Variants in CDH12 observed in about 807,000 individuals in gnomAD.
The protein encoded by CDH12 is cadherin 12.
Under a neutral mutation model 74.1 loss-of-function variants are expected in CDH12, and 41 were observed. The observed-to-expected ratio is 0.55, with a 90% CI of 0.43 to 0.72. The LOEUF (loss-of-function observed/expected upper bound fraction) is 0.72, where lower values mean the gene tolerates loss of function less well. Ranked by LOEUF, CDH12 falls within the 30% of genes least tolerant of loss-of-function variation. The probability of loss-of-function intolerance (pLI) is 0.00; values close to 1 mark genes in which losing one functional copy is unlikely to be tolerated. For missense variants in CDH12, 945 were observed against 977.2 expected (o/e 0.97, Z 0.44); for synonymous variants, 399 against 355.0 (o/e 1.12, Z -1.39).
At chr5:22,325,801 G>T (rs1200261805) in intron 3 of CDH12, among the ~76,000 whole-genome samples, 3 of 151,614 alleles carry the variant, frequency 2.0e-5, no homozygotes, top group African/African-American at 7.3e-5. Context: ...CCAGCTGCTC[G>T]GGAGGCTGAG....
At chr5:22,105,968 T>A (rs1744416447) in intron 4 of CDH12, among the ~76,000 whole-genome samples, 1 of 152,212 alleles carries the variant, frequency 6.6e-6, no homozygotes, top group African/African-American at 2.4e-5. Context: ...AGTTGTCAGA[T>A]GTATTGTGAA....
chr5:22,088,599 TC>T (rs990273321), intron 4 of CDH12, among the ~76,000 whole-genome samples: 1 of 152,090 alleles, frequency 6.6e-6, no homozygotes, highest in African/African-American at 2.4e-5. Flanking sequence ...GACATTCCTC[TC>T]AGGGGAAACA....
At chr5:22,765,588 T>G (rs979588465) in intron 1 of CDH12, among the ~76,000 whole-genome samples, 1 of 151,986 alleles carries the variant, frequency 6.6e-6, no homozygotes, top group African/African-American at 2.4e-5. Flanking sequence ...TAACAATGTT[T>G]AAATCAAGTG....
chr5:22,311,029 CT>C (rs978274142), intron 3 of CDH12, among the ~76,000 whole-genome samples: 2 of 152,152 alleles, frequency 1.3e-5, no homozygotes, highest in Admixed American at 1.3e-4. Flanking sequence ...ACTGCCAGCT[CT>C]TTAACATACT....
intron 1 of CDH12, among the ~76,000 whole-genome samples, chr5:22,849,086 C>A (rs192952779): frequency 6.6e-6 from 1 of 152,086 alleles, no homozygotes; most frequent in African/African-American, 2.4e-5. Flanking sequence ...TTTCTTCCAA[C>A]CCCATGTTCC....
intron 1 of CDH12, among the ~76,000 whole-genome samples, chr5:22,632,729 GGAGA>G (rs1286877724): frequency 6.6e-6 from 1 of 151,994 alleles, no homozygotes; most frequent in Non-Finnish European, 1.5e-5. Context: ...CAGCTTGTAA[GGAGA>G]GAGAGAAATA....
chr5:22,770,600 TAAAGA>T (rs746852297), intron 1 of CDH12, among the ~76,000 whole-genome samples: 2 of 152,148 alleles, frequency 1.3e-5, no homozygotes, highest in African/African-American at 2.4e-5. Flanking sequence ...TGGTATCATT[TAAAGA>T]AAAGAAATGA....
chr5:22,065,436 A>G (rs922286384), intron 5 of CDH12, among the ~76,000 whole-genome samples: 1 of 152,176 alleles, frequency 6.6e-6, no homozygotes, highest in African/African-American at 2.4e-5. Flanking sequence ...ACGGGGAGTG[A>G]GAAATAACTT....
intron 11 of CDH12, among the ~76,000 whole-genome samples, chr5:21,775,395 G>A (rs533378769): frequency 1.3e-5 from 2 of 152,254 alleles, no homozygotes; most frequent in East Asian, 3.9e-4. Flanking sequence ...TAAGCTGGGG[G>A]CACACAGGTA....
rs763184658 is a variant in CDH12, at chr5:21,765,092, A to G, written c.1401T>C (p.Pro467=). The G allele has an allele frequency of 2.5e-6, 4 of 1,578,418 alleles. No homozygotes were observed. The South Asian group carries it at 4.7e-5, about 19-fold the overall frequency. ...FSIIASKVSN[P]LLTSKVNILI... is the part of the protein sequence containing the mutation. ...GTATATTGACTTTGCTGGTCAATAA[A>G]GGGTTACCTGTTAAAAACATATAAA... The change falls in exon 12 of 15, where the codon CCT becomes CCC. Residue 467 remains proline, a synonymous_variant. Coordinates refer to ENST00000382254, the MANE Select transcript of CDH12 (RefSeq NM_004061.5).
At chr5:21,824,586 C>A (rs7730813) in intron 8 of CDH12, among the ~76,000 whole-genome samples, 88,481 of 152,000 alleles carry the variant, frequency 0.58, 28,749 homozygotes, top group Non-Finnish European at 0.73. Context: ...GTTCTCTTTT[C>A]CTTTCTCTGC....
rs1736865878 is a variant in CDH12 at position 22,281,229 on chromosome 5, A to G, written c.-332-68586T>C. ...GGTATTGGTGGGACGTTATCTCAAA[A>G]TAATAAGAGCTATTTATGACAAACC... is the stretch of plus-strand genomic sequence containing the variant. On this transcript the variant is annotated intron_variant, in intron 3 of 14. Coordinates refer to ENST00000382254, the MANE Select transcript of CDH12 (RefSeq NM_004061.5). Among the ~76,000 whole-genome samples the G allele has an allele frequency of 1.3e-5, 2 of 152,188 alleles. 1 individual carries two copies. Among genetic ancestry groups the G allele is most frequent in the South Asian group, 4.1e-4 (2 of 4,830 alleles).
intron 1 of CDH12, among the ~76,000 whole-genome samples, chr5:22,650,970 T>C (rs1305208636): frequency 1.3e-5 from 2 of 152,114 alleles, no homozygotes; most frequent in African/African-American, 4.8e-5. Context: ...ATTGTTACTA[T>C]TCCTATTAAT....
chr5:22,299,980 T>C (rs1233812152), intron 3 of CDH12, among the ~76,000 whole-genome samples: 1 of 152,176 alleles, frequency 6.6e-6, no homozygotes, highest in Non-Finnish European at 1.5e-5. Context: ...CTCAAGTGCA[T>C]AGATACAAAG....
At chr5:22,641,554 C>T (rs1334636458) in intron 1 of CDH12, among the ~76,000 whole-genome samples, 2 of 152,032 alleles carry the variant, frequency 1.3e-5, no homozygotes, top group African/African-American at 4.8e-5. Context: ...CTAGCTATTC[C>T]TTAACTCAAG....
intron 5 of CDH12, among the ~76,000 whole-genome samples, chr5:22,031,863 C>T (rs1321137442): frequency 6.6e-6 from 1 of 151,994 alleles, no homozygotes; most frequent in East Asian, 1.9e-4. Context: ...CACAGATGAC[C>T]ATAACAGAGA....
chr5:22,151,760 T>C (rs1747598411), intron 4 of CDH12: 1 of 152,190 alleles, frequency 6.6e-6, no homozygotes, highest in African/African-American at 2.4e-5. Flanking sequence ...TAAAGGAGTA[T>C]AAGTGAAAAC....
At chr5:22,486,965 G>T (rs751628507) in intron 2 of CDH12, among the ~76,000 whole-genome samples, 2 of 152,070 alleles carry the variant, frequency 1.3e-5, no homozygotes, top group Non-Finnish European at 2.9e-5. Context: ...GTCAGAGAGC[G>T]CCATGTCTGG....
At chr5:22,134,232 T>C (rs1258982759) in intron 4 of CDH12, among the ~76,000 whole-genome samples, 1 of 151,544 alleles carries the variant, frequency 6.6e-6, no homozygotes, top group Non-Finnish European at 1.5e-5. Context: ...AGCACATGTC[T>C]ACATGCACTG....
Sources: gnomAD v4.1 joint callset for allele counts (sites outside exome capture counted in the v4.1 genomes callset) on GRCh38, gnomAD v4.1.1 for gene constraint, MANE v1.5 for transcripts, NCBI Gene and HGNC (gene_info 2026-07-23, HGNC 2026-07-21) for gene names.